The following TTN variants were observed in gnomAD, a reference collection of about 807,000 sequenced individuals.
TTN encodes the protein connectin.
A neutral mutation model predicts 3,223.0 loss-of-function variants in TTN; 1,525 were observed. The ratio of observed to expected loss-of-function variants is 0.47; its 90% CI spans 0.45 to 0.49. TTN has a LOEUF of 0.49. Ranked by LOEUF, TTN falls within the 20% of genes least tolerant of loss-of-function variation. The pLI is 0.00. For synonymous variants in TTN, 14,094 were observed against 15,161.0 expected, an observed-to-expected ratio of 0.93 and a Z score of 5.17; for missense variants, 40,786 against 43,424.0, an observed-to-expected ratio of 0.94 and a Z score of 5.40.
At position 178,702,187 on chromosome 2, in the gene TTN, C is replaced by G. The variant is rs1064797276; in HGVS notation, c.30492G>C (p.Glu10164Asp). The stretch of plus-strand genomic sequence containing the variant: ...CCTCACCTTTCGTCGTTAGGTACAG[C>G]TCTGCCGTGCTTCTTGCTTCACCTC... ...EPRGEARSTA[E>D]LYLTTKEIKL... The change falls in exon 108 of 363, where the codon GAG becomes GAC. Residue 10164 changes from glutamate (E) to aspartate (D), a missense_variant. Glu to Asp is a conservative substitution (Grantham distance 45). Coordinates refer to ENST00000589042, the MANE Select transcript of TTN (RefSeq NM_001267550.2). 1 of 1,613,956 alleles carries G rather than the reference C, an allele frequency of 6.2e-7. No individual in the cohort carries two copies. The highest frequency in any genetic ancestry group is 1.7e-5 in the Admixed American group (1 of 60,024).
At position 178,582,538 on chromosome 2, in the gene TTN, G is replaced by A; in HGVS notation, c.65918C>T (p.Ala21973Val). The change falls in exon 314 of 363, where the codon GCT becomes GTT. Residue 21973 changes from alanine to valine, a missense_variant. By Grantham distance (64) the Ala-to-Val change is moderately conservative (BLOSUM62 0). Coordinates refer to ENST00000589042, the MANE Select transcript of TTN (RefSeq NM_001267550.2). ...VKINKMYSDR[A>V]MLSWEPPLED... is the part of the protein sequence containing the mutation. ...AAGAGGCGGTTCCCAAGAAAGCATAGCACGATCTGAATACATTTTGTTGAT... is the reference window on the plus strand; with the variant it reads ...AAGAGGCGGTTCCCAAGAAAGCATAACACGATCTGAATACATTTTGTTGAT... 1 of 1,612,776 alleles carries A rather than the reference G, an allele frequency of 6.2e-7. No individual in the cohort carries two copies. Among genetic ancestry groups the A allele is most frequent in the Non-Finnish European group, 8.5e-7 (1 of 1,179,210 alleles).
chr2:178,636,244 A>G lies in TTN; in HGVS notation c.41330-3T>C. On this transcript the variant is annotated splice_polypyrimidine_tract_variant and splice_region_variant and intron_variant, in intron 225 of 362. Coordinates refer to ENST00000589042, the MANE Select transcript of TTN (RefSeq NM_001267550.2). The surrounding 1 kb of genome is among the most constrained non-coding windows in gnomAD (Gnocchi z 4.3). ...TTTTACAAAACGCACAGGAAGTTCT[A>G]TGGAGAATTTCAGTATATATTTCAA... 1.3e-6 allele frequency: 2 copies of G among 1,539,356 alleles called. No homozygotes were observed. The highest frequency in any genetic ancestry group is 2.3e-5 in the East Asian group (1 of 42,962).
In TTN at chr2:178,713,508, A is replaced by G. The variant is rs1039528082; in HGVS notation, c.26762-136T>C. ...CATTTGGCTCTTTTGTGACGGTATT[A>G]AAAACTCCTCTATGGGTTCACACTA... On this transcript the variant is annotated intron_variant, in intron 92 of 362. Coordinates refer to ENST00000589042, the MANE Select transcript of TTN (RefSeq NM_001267550.2). The G allele has an allele frequency of 1.1e-4, 145 of 1,317,752 alleles. 1 individual carries two copies. In the East Asian group the frequency reaches 3.7e-3, roughly 33 times the overall value. 81.6% of individuals were successfully genotyped at this position (1,317,752 alleles called of 1,614,324 possible).
rs112009206 is a variant in TTN at position 178,740,832 on chromosome 2, A to C, written c.12401T>G (p.Ile4134Ser). The C allele has an allele frequency of 1.2e-6, 2 of 1,613,794 alleles. No homozygotes were observed. The highest frequency in any genetic ancestry group is 2.2e-5 in the East Asian group (1 of 44,860). ...AGGCTGAAAGTGAATACTGCCATTGATGCAAAGAAATTCCCTGGTGCTTTC... is the reference window on the plus strand; with the variant it reads ...AGGCTGAAAGTGAATACTGCCATTGCTGCAAAGAAATTCCCTGGTGCTTTC... ...TPESTREFLCINGSIHFQPLK... is the reference protein window; with the variant it reads ...TPESTREFLCSNGSIHFQPLK... The change falls in exon 48 of 363, where the codon ATC becomes AGC. Residue 4134 changes from isoleucine (I) to serine (S), a missense_variant. By Grantham distance (142) the Ile-to-Ser change is moderately radical (BLOSUM62 -2). Transcript: ENST00000589042.
In TTN at chr2:178,554,051, GTCTCTTT is replaced by G. The variant is rs1488298293; in HGVS notation, c.89053_89059del (p.Lys29685LeufsTer9). ...TACTTTTTGTCTGGTGTCACGGATA[GTCTCTTT>G]TAGTACTTTAAACCATCCTAGGCTC... On this transcript the variant is annotated frameshift_variant, in exon 333 of 363. Transcript: ENST00000589042. LOFTEE classifies it high-confidence loss of function. 6.2e-7 allele frequency: 1 copy of G among 1,613,714 alleles called. No individual in the cohort carries two copies. Among genetic ancestry groups the G allele is most frequent in the Admixed American group, 1.7e-5 (1 of 59,984 alleles).
rs62178978 is a variant in TTN at position 178,718,671 on chromosome 2, T to C, written c.24505+24A>G. ...GACTTAAGAGAAATTTTAAAAGATG[T>C]ATATATTGGGGGAAAGAGCAAACCT... On this transcript the variant is annotated intron_variant, in intron 84 of 362. Coordinates refer to ENST00000589042, the MANE Select transcript of TTN (RefSeq NM_001267550.2). The C allele has an allele frequency of 0.17, 275,047 of 1,609,334 alleles. 26,523 individuals are homozygous for C. The highest frequency in any genetic ancestry group is 0.44 in the East Asian group (19,827 of 44,774).
intron 330 of TTN, 194 bp from the exon 331 acceptor site, chr2:178,555,346 C>A (rs1393753082): frequency 1.7e-6 from 1 of 577,598 alleles, no homozygotes; most frequent in Non-Finnish European, 2.9e-6. Flanking sequence ...GGTAGAAAGA[C>A]TGTGAGTTGT....
chr2:178,710,875 C>T lies in TTN; in HGVS notation c.28222G>A (p.Ala9408Thr), dbSNP rs767417518. The T allele has an allele frequency of 1.9e-6, 3 of 1,613,796 alleles. No individual in the cohort carries two copies. The highest frequency in any genetic ancestry group is 2.7e-5 in the African/African-American group (2 of 74,934). Reference protein sequence around the residue: ...FFDIRLAPVDAVVGESADFEC... With the variant: ...FFDIRLAPVDTVVGESADFEC... ...AAGTCAGCACTTTCTCCCACCACAG[C>T]ATCCACAGGGGCAAGACGGATGTCA... Residue 9408 changes from alanine (A) to threonine (T), a missense_variant, in exon 98 of 363, where the codon GCT (alanine) becomes ACT (threonine). Ala to Thr is a moderately conservative substitution (Grantham distance 58, BLOSUM62 0). Coordinates refer to ENST00000589042, the MANE Select transcript of TTN (RefSeq NM_001267550.2).
At position 178,616,731 on chromosome 2, in the gene TTN, A is replaced by C; in HGVS notation, c.48158T>G (p.Ile16053Ser). The change falls in exon 256 of 363, where the codon ATT becomes AGT. Residue 16053 changes from isoleucine to serine, a missense_variant and splice_region_variant. Physicochemically the swap from Ile to Ser is moderately radical, Grantham distance 142 (BLOSUM62 -2). Coordinates refer to ENST00000589042, the MANE Select transcript of TTN (RefSeq NM_001267550.2). ...ATGATAAATGTTTTGTTCCTTACCAATTACATTGACATCAATTTCCCCAGA... is the reference window on the plus strand; with the variant it reads ...ATGATAAATGTTTTGTTCCTTACCACTTACATTGACATCAATTTCCCCAGA... Reference protein sequence around the residue: ...TISGEIDVNVIARPSAPKELK... With the variant: ...TISGEIDVNVSARPSAPKELK... 1 of 1,612,506 alleles carries C rather than the reference A, an allele frequency of 6.2e-7. No homozygotes were observed. Among genetic ancestry groups the C allele is most frequent in the South Asian group, 1.1e-5 (1 of 91,014 alleles).
At chr2:178,726,267 C>T (rs1026510290) in intron 69 of TTN, 3 of 439,140 alleles carry the variant, frequency 6.8e-6, no homozygotes, top group East Asian at 3.6e-5. Flanking sequence ...GATGTCGTTA[C>T]TGAACAGTTC....
Position 178,574,362 on chromosome 2 carries a change from G to A in TTN, c.71770C>T (p.Pro23924Ser). Residue 23924 changes from proline to serine, a missense_variant, in exon 326 of 363, where the codon CCC becomes TCC. Coordinates refer to ENST00000589042, the MANE Select transcript of TTN (RefSeq NM_001267550.2). ...KPSEPMLALD[P>S]IDPPGKPVPL... ...ACTGGTTTTCCAGGTGGGTCAATGG[G>A]ATCCAGAGCCAACATAGGTTCTGAT... 1.2e-6 allele frequency: 2 copies of A among 1,613,590 alleles called. No homozygotes were observed. The highest frequency in any genetic ancestry group is 1.7e-6 in the Non-Finnish European group (2 of 1,179,658).
At position 178,571,076 on chromosome 2, in the gene TTN, G is replaced by C; in HGVS notation, c.75056C>G (p.Thr25019Arg). ...PPGRPEAIIV[T>R]RNSVTLQWKK... ...CCACTGAAGAGTCACAGAATTCCTT[G>C]TGACAATGATTGCCTCTGGCCGTCC... The change falls in exon 326 of 363, where the codon ACA becomes AGA. Residue 25019 changes from threonine (T) to arginine (R), a missense_variant. Coordinates refer to ENST00000589042, the MANE Select transcript of TTN (RefSeq NM_001267550.2). The C allele has an allele frequency of 3.7e-6, 6 of 1,612,974 alleles. No homozygotes were observed. Among genetic ancestry groups the C allele is most frequent in the Non-Finnish European group, 5.1e-6 (6 of 1,179,212 alleles).
intron 243 of TTN, 62 bp downstream of exon 243, chr2:178,622,608 T>C (rs1047765469): frequency 2.2e-6 from 3 of 1,393,584 alleles, no homozygotes; most frequent in Non-Finnish European, 2.9e-6. Context: ...CCATTTTGGC[T>C]AGACCAAAAG....
rs1315463459 is a variant in TTN, at chr2:178,596,784, T to C, written c.57544+754A>G. 5.9e-5 allele frequency among the ~76,000 whole-genome samples: 9 copies of C among 152,160 alleles called. No individual in the cohort carries two copies. In the East Asian group the frequency reaches 1.8e-3, roughly 30 times the overall value. ...CATAAAAACTGTGGCTGGAGTATTG[T>C]TGTGCCTAGAGACATGCTTAGAAAG... is the stretch of plus-strand genomic sequence containing the variant. On this transcript the variant is annotated intron_variant, in intron 294 of 362. Transcript: ENST00000589042.
chr2:178,663,835 T>C lies in TTN; in HGVS notation c.36432A>G (p.Glu12144=), dbSNP rs757840791. 6.2e-7 allele frequency: 1 copy of C among 1,613,510 alleles called. No individual in the cohort carries two copies. The highest frequency in any genetic ancestry group is 8.5e-7 in the Non-Finnish European group (1 of 1,179,838). The part of the protein sequence containing the change: ...KVPLAPPKEP[E]VPPVKVPEPP... ...GGCAACTACCTTTAACAGGTGGGAC[T>C]TCAGGCTCTTTAGGAGGAGCCAAGG... Residue 12144 remains glutamate, a synonymous_variant, in exon 170 of 363, where the codon GAA becomes GAG. Coordinates refer to ENST00000589042, the MANE Select transcript of TTN (RefSeq NM_001267550.2).
Position 178,729,299 on chromosome 2 carries a change from A to G in TTN, c.18857T>C (p.Val6286Ala), listed in dbSNP as rs372581135. 2 of 1,601,202 alleles carry G rather than the reference A, an allele frequency of 1.2e-6. No homozygotes were observed. Among genetic ancestry groups the G allele is most frequent in the African/African-American group, 2.7e-5 (2 of 74,466 alleles). Residue 6286 changes from valine (V) to alanine (A), a missense_variant, in exon 64 of 363, where the codon GTT becomes GCT. Transcript: ENST00000589042. ...CTTGTATAACTGACCTTTCAGGGCA[A>G]CTCTAGTACTGCATGAGCAGCTGCC... The part of the protein sequence containing the change: ...EGGSCSCSTR[V>A]ALKEPPSFIK...
At chr2:178,664,438 A>G in intron 168 of TTN, 22 bp downstream of exon 168, 1 of 1,583,242 alleles carries the variant, frequency 6.3e-7, no homozygotes, top group Non-Finnish European at 8.6e-7. Context: ...ATCCCACCAT[A>G]AAAAGACAGT....
rs539199374 is a variant in TTN at position 178,576,521 on chromosome 2, A to G, written c.69715+8T>C. The G allele has an allele frequency of 4.4e-5, 71 of 1,610,960 alleles. 1 individual carries two copies. In the South Asian group the frequency reaches 7.7e-4, roughly 17 times the overall value. ...GAATGAACGGTGTTGAAAAAGACAAATACTAACATGCTGCATCTTTCATCA... is the reference window on the plus strand; with the variant it reads ...GAATGAACGGTGTTGAAAAAGACAAGTACTAACATGCTGCATCTTTCATCA... On this transcript the variant is annotated splice_region_variant and intron_variant, in intron 325 of 362. Transcript: ENST00000589042. The surrounding 1 kb of genome is among the most constrained non-coding windows in gnomAD (Gnocchi z 4.3).
intron 9 of TTN, 29 bp from the exon 10 acceptor site, chr2:178,792,226 T>G (rs535261515): frequency 6.3e-7 from 1 of 1,589,254 alleles, no homozygotes; most frequent in East Asian, 2.2e-5. Flanking sequence ...GAAAAAACTT[T>G]ATTTCCTGAT....
Sources: gnomAD v4.1 joint callset for allele counts (sites outside exome capture counted in the v4.1 genomes callset) on GRCh38, gnomAD v4.1.1 for gene constraint, Gnocchi (gnomAD v3.1) non-coding constraint, MANE v1.5 for transcripts, NCBI Gene and HGNC (gene_info 2026-07-23, HGNC 2026-07-21) for gene names.